Variants in OLFM1 observed in about 807,000 individuals in gnomAD.
The protein encoded by OLFM1 is olfactomedin 1, also known as noelin.
In OLFM1, 9 loss-of-function variants were observed where a neutral mutation model predicts 49.7. That is an observed-to-expected ratio of 0.18 (90% CI 0.11 to 0.32). The LOEUF (loss-of-function observed/expected upper bound fraction) is 0.32, where lower values mean the gene tolerates loss of function less well. OLFM1 is among the 10% of genes least tolerant of loss of function. OLFM1 has a pLI of 1.00. For missense variants in OLFM1, 369 were observed against 661.8 expected, an observed-to-expected ratio of 0.56 and a Z score of 4.85; for synonymous variants, 240 against 271.8, an observed-to-expected ratio of 0.88 and a Z score of 1.15.
intron 3 of OLFM1, among the ~76,000 whole-genome samples, chr9:135,097,153 T>A (rs1351638681): frequency 6.6e-6 from 1 of 152,160 alleles, no homozygotes; most frequent in East Asian, 1.9e-4. Context: ...TTCGATGTGC[T>A]CCCTGCATGA....
At chr9:135,075,916 G>A in intron 1 of OLFM1, 4 of 1,413,350 alleles carry the variant, frequency 2.8e-6, no homozygotes, top group Non-Finnish European at 3.7e-6. Flanking sequence ...CCCCCGGCCT[G>A]GGCGCCCGAA....
At chr9:135,104,673 G>A (rs887858821) in intron 4 of OLFM1, among the ~76,000 whole-genome samples, 2 of 152,212 alleles carry the variant, frequency 1.3e-5, no homozygotes, top group South Asian at 2.1e-4. Context: ...CCTCTGGATG[G>A]CAGGGAGGGC....
At chr9:135,077,749 C>T (rs2119081677) in intron 1 of OLFM1, among the ~76,000 whole-genome samples, 1 of 152,380 alleles carries the variant, frequency 6.6e-6, no homozygotes, top group South Asian at 2.1e-4. Context: ...GCACCTCCCA[C>T]CCTCATGGTA....
At position 135,113,422 on chromosome 9, in the gene OLFM1, G is replaced by T. The variant is rs776381609; in HGVS notation, c.784-6082G>T. Among the ~76,000 whole-genome samples the T allele has an allele frequency of 6.6e-6, 1 of 152,096 alleles. No homozygotes were observed. The highest frequency in any genetic ancestry group is 6.5e-5 in the Admixed American group (1 of 15,274). The stretch of plus-strand genomic sequence containing the variant: ...GAACCACCAAGCCCACTCGAGTCCC[G>T]GGCTAAGGACATAAATGATGATAGC... On this transcript the variant is annotated intron_variant, in intron 5 of 5. Coordinates refer to ENST00000371793, the MANE Select transcript of OLFM1 (RefSeq NM_001282611.2). This position sits in a 1 kb window ranked among gnomAD's most constrained non-coding sequence, Gnocchi z 4.0.
At chr9:135,111,150 T>C (rs1023272043) in intron 5 of OLFM1, among the ~76,000 whole-genome samples, 11 of 152,334 alleles carry the variant, frequency 7.2e-5, no homozygotes, top group African/African-American at 2.4e-4. Context: ...TTTTCTTATA[T>C]GGGAAGCTGT....
chr9:135,090,883 C>T (rs1232120617), intron 2 of OLFM1, among the ~76,000 whole-genome samples: 1 of 152,230 alleles, frequency 6.6e-6, no homozygotes, highest in Non-Finnish European at 1.5e-5. Flanking sequence ...ACCATGAATG[C>T]CTTCCTGGGG....
rs560504427 is a variant in OLFM1 at position 135,113,676 on chromosome 9, C to G, written c.784-5828C>G. ...TGCCTGGGAGGCCAGAAAGCTTTGG[C>G]AGACCCACGGTGTGCCCTGAGCTGA... On this transcript the variant is annotated intron_variant, in intron 5 of 5. Transcript: ENST00000371793. This position sits in a 1 kb window ranked among gnomAD's most constrained non-coding sequence, Gnocchi z 4.0. Among the ~76,000 whole-genome samples, 1 of 152,316 alleles carries G rather than the reference C, an allele frequency of 6.6e-6. No homozygotes were observed. Among genetic ancestry groups the G allele is most frequent in the Admixed American group, 6.5e-5 (1 of 15,300 alleles).
chr9:135,077,359 A>C (rs940293925), intron 1 of OLFM1: 2 of 1,174,992 alleles, frequency 1.7e-6, no homozygotes, highest in Admixed American at 3.3e-5. Context: ...TGAAGCCTCC[A>C]TGCCCAGGCC....
chr9:135,086,573 A>G (rs990287597), upstream of OLFM1: 12 of 455,736 alleles, frequency 2.6e-5, no homozygotes, highest in African/African-American at 2.4e-4. Flanking sequence ...GATCTGGAGG[A>G]TTCTTTCCTT....
exon 1 of OLFM1, chr9:135,075,599 G>T (rs1830452409): frequency 1.5e-6 from 1 of 657,364 alleles, no homozygotes; most frequent in South Asian, 2.7e-5. Flanking sequence ...GAATCCAGGC[G>T]TGGGGACACG....
Position 135,088,623 on chromosome 9 carries a change from C to A in OLFM1, c.150+484C>A, listed in dbSNP as rs1469123367. The stretch of plus-strand genomic sequence containing the variant: ...TTTGTAAAAGCCAGACTGGCCGGAC[C>A]GGGCTGGGAGTGGGGCCCCAGCCGG... On this transcript the variant is annotated intron_variant, in intron 1 of 5. Transcript: ENST00000371793. This position sits in a 1 kb window ranked among gnomAD's most constrained non-coding sequence, Gnocchi z 4.8. 6.6e-6 allele frequency among the ~76,000 whole-genome samples: 1 copy of A among 152,064 alleles called. No homozygotes were observed. The highest frequency in any genetic ancestry group is 6.5e-5 in the Admixed American group (1 of 15,288).
intron 2 of OLFM1, among the ~76,000 whole-genome samples, chr9:135,091,567 ACACACACAGTCACACACT>A (rs1830690782): frequency 6.8e-6 from 1 of 147,966 alleles, no homozygotes; most frequent in South Asian, 2.1e-4. Context: ...ATAGTCACAC[ACACACACAGTCACACACT>A]CACAGTCACA....
At chr9:135,076,124 T>G (rs1435136083) in intron 1 of OLFM1, 5 of 1,547,812 alleles carry the variant, frequency 3.2e-6, no homozygotes, top group African/African-American at 2.7e-5. Context: ...TTGGCTGCTA[T>G]TGTCATCTGG....
intron 1 of OLFM1, chr9:135,077,276 C>T: frequency 2.1e-6 from 3 of 1,445,456 alleles, no homozygotes; most frequent in Non-Finnish European, 9.1e-7. Context: ...GACACCTTGG[C>T]AAAGAGATGG....
chr9:135,119,169 G>A (rs1831148550), intron 5 of OLFM1, among the ~76,000 whole-genome samples: 1 of 151,296 alleles, frequency 6.6e-6, no homozygotes, highest in Non-Finnish European at 1.5e-5. Flanking sequence ...AGTCTTTGGA[G>A]TACTTACCGG....
intron 4 of OLFM1, chr9:135,106,018 G>C (rs907785337): frequency 6.6e-6 from 1 of 152,526 alleles, no homozygotes; most frequent in South Asian, 2.1e-4. Flanking sequence ...CCAAATCACC[G>C]GGTGGCCCGG....
intron 3 of OLFM1, among the ~76,000 whole-genome samples, chr9:135,096,950 C>T (rs751469161): frequency 6.6e-6 from 1 of 152,172 alleles, no homozygotes; most frequent in Non-Finnish European, 1.5e-5. Flanking sequence ...TAGAGAGATG[C>T]CCACAGTTGA....
chr9:135,110,766 T>C (rs1449111649), intron 5 of OLFM1, among the ~76,000 whole-genome samples: 2 of 152,120 alleles, frequency 1.3e-5, no homozygotes, highest in African/African-American at 4.8e-5. Flanking sequence ...CCCACCTCTT[T>C]CCCACCACCC....
intron 5 of OLFM1, among the ~76,000 whole-genome samples, chr9:135,118,389 T>C (rs1442963051): frequency 2.0e-5 from 3 of 147,254 alleles, no homozygotes; most frequent in Non-Finnish European, 3.0e-5. Flanking sequence ...GAGTGCTCGC[T>C]GGGTCTTTGG....
Sources: gnomAD v4.1 joint callset for allele counts (sites outside exome capture counted in the v4.1 genomes callset) on GRCh38, gnomAD v4.1.1 for gene constraint, Gnocchi (gnomAD v3.1) non-coding constraint, MANE v1.5 for transcripts, NCBI Gene and HGNC (gene_info 2026-07-23, HGNC 2026-07-21) for gene names.